The following CDH12 variants were observed in gnomAD, a reference collection of about 807,000 sequenced individuals.
CDH12 encodes the protein cadherin 12, also known as cadherin-12.
In CDH12, 41 loss-of-function variants were observed where a neutral mutation model predicts 74.1. That is an observed-to-expected ratio of 0.55 (90% CI 0.43 to 0.72). The LOEUF (loss-of-function observed/expected upper bound fraction) is 0.72. Ranked by LOEUF, CDH12 falls within the 30% of genes least tolerant of loss-of-function variation. The pLI is 0.00. For synonymous variants in CDH12, 399 were observed against 355.0 expected, an observed-to-expected ratio of 1.12 and a Z score of -1.39; for missense variants, 945 against 977.2, an observed-to-expected ratio of 0.97 and a Z score of 0.44.
At chr5:22,556,950 C>T (rs144179149) in intron 1 of CDH12, among the ~76,000 whole-genome samples, 97 of 152,102 alleles carry the variant, frequency 6.4e-4, no homozygotes, top group African/African-American at 2.3e-3. Flanking sequence ...TGATAAAGGA[C>T]AATTAGCAAA....
chr5:22,536,405 G>A (rs1440543706), intron 1 of CDH12, among the ~76,000 whole-genome samples: 1 of 152,098 alleles, frequency 6.6e-6, no homozygotes, highest in African/African-American at 2.4e-5. Flanking sequence ...ATTGTTGCTG[G>A]TGGTGGTGGT....
intron 1 of CDH12, among the ~76,000 whole-genome samples, chr5:22,643,049 G>C (rs1366436842): frequency 1.3e-5 from 2 of 152,068 alleles, no homozygotes; most frequent in Non-Finnish European, 2.9e-5. Context: ...TGAAGCTTTT[G>C]TATTGATGCT....
chr5:22,487,403 C>T (rs539098990), intron 2 of CDH12, among the ~76,000 whole-genome samples: 35 of 152,156 alleles, frequency 2.3e-4, no homozygotes, highest in African/African-American at 7.9e-4. Context: ...ATGTATATCG[C>T]ATAATCACAT....
intron 3 of CDH12, among the ~76,000 whole-genome samples, chr5:22,315,119 CTTTTTTTT>C (rs70959715): frequency 0.033 from 756 of 23,008 alleles, 71 homozygotes; most frequent in Middle Eastern, 0.14. Flanking sequence ...GCCTGCCTGG[CTTTTTTTT>C]TTTTTTTTTT....
rs1389567524 is a variant in CDH12 at position 21,751,555 on chromosome 5, T to C, written c.*182A>G. The stretch of plus-strand genomic sequence containing the variant: ...GCAGAATAAACCAAAACTGACAATA[T>C]GATTAATTTAGTAACTTACTAGAAA... On this transcript the variant is annotated 3_prime_UTR_variant, in exon 15 of 15. Transcript: ENST00000382254. 3.4e-6 allele frequency: 2 copies of C among 588,898 alleles called. No homozygotes were observed. The highest frequency in any genetic ancestry group is 4.5e-5 in the South Asian group (2 of 44,226). The allele number at this position is 588,898 out of a possible 1,614,324, so 36.5% of individuals were successfully genotyped here.
intron 4 of CDH12, chr5:22,212,064 T>C (rs1042664792): frequency 1.3e-5 from 2 of 150,798 alleles, no homozygotes; most frequent in African/African-American, 4.9e-5. Context: ...AGCTCAGGAA[T>C]ATTGCTAATG....
intron 3 of CDH12, among the ~76,000 whole-genome samples, chr5:22,338,287 G>A (rs899637829): frequency 6.6e-6 from 1 of 152,160 alleles, no homozygotes; most frequent in Non-Finnish European, 1.5e-5. Flanking sequence ...GGATAGAACT[G>A]GAGGTGATTA....
At chr5:21,811,496 C>G (rs1747741122) in intron 9 of CDH12, among the ~76,000 whole-genome samples, 1 of 151,620 alleles carries the variant, frequency 6.6e-6, no homozygotes. Flanking sequence ...ATTTTATTCC[C>G]ATTTATTCAG....
chr5:22,841,216 A>T (rs1302210987), intron 1 of CDH12, among the ~76,000 whole-genome samples: 4 of 152,176 alleles, frequency 2.6e-5, no homozygotes, highest in African/African-American at 9.7e-5. Flanking sequence ...ACAGATGAAA[A>T]TTGGTAGGAT....
intron 1 of CDH12, among the ~76,000 whole-genome samples, chr5:22,672,098 TATA>T (rs1177921078): frequency 3.7e-5 from 3 of 82,030 alleles, no homozygotes; most frequent in African/African-American, 1.8e-4. Flanking sequence ...TTATATATAA[TATA>T]TTATTATATA....
intron 1 of CDH12, among the ~76,000 whole-genome samples, chr5:22,698,764 G>T (rs1742558266): frequency 7.9e-6 from 1 of 127,200 alleles, no homozygotes; most frequent in African/African-American, 2.9e-5. Flanking sequence ...GTGTGTGTGT[G>T]TGTGTGAAAG....
chr5:21,934,550 G>T (rs1252930368), intron 6 of CDH12, among the ~76,000 whole-genome samples: 2 of 152,074 alleles, frequency 1.3e-5, no homozygotes, highest in African/African-American at 4.8e-5. Flanking sequence ...AAATTCTTCT[G>T]TTAAAAATAT....
chr5:21,883,992 A>G (rs13165182), intron 6 of CDH12: 1,352,085 of 1,569,198 alleles, frequency 0.86, 596,424 homozygotes, highest in Non-Finnish European at 0.91. Flanking sequence ...TATGGAAATT[A>G]TTAAAAGAAC....
intron 4 of CDH12, among the ~76,000 whole-genome samples, chr5:22,101,022 G>A (rs1167531022): frequency 6.6e-6 from 1 of 151,846 alleles, no homozygotes; most frequent in Non-Finnish European, 1.5e-5. Flanking sequence ...AAAATCAAAT[G>A]TGTTATGCAT....
chr5:22,662,657 C>T (rs1447347063), intron 1 of CDH12, among the ~76,000 whole-genome samples: 1 of 152,156 alleles, frequency 6.6e-6, no homozygotes, highest in East Asian at 1.9e-4. Context: ...TACTTGAATG[C>T]TGTCAATTAG....
chr5:22,356,340 T>C (rs1454067630), intron 3 of CDH12, among the ~76,000 whole-genome samples: 2 of 152,210 alleles, frequency 1.3e-5, no homozygotes, highest in Non-Finnish European at 2.9e-5. Context: ...AATGGTTTTA[T>C]TATGCAGCTT....
chr5:22,575,008 T>C (rs1238321261), intron 1 of CDH12, among the ~76,000 whole-genome samples: 4 of 152,200 alleles, frequency 2.6e-5, no homozygotes, highest in Admixed American at 1.3e-4. Flanking sequence ...AAATTTTGGT[T>C]TCTGCATCTG....
intron 6 of CDH12, among the ~76,000 whole-genome samples, chr5:21,878,255 A>T (rs1459557699): frequency 6.6e-6 from 1 of 152,214 alleles, no homozygotes; most frequent in Non-Finnish European, 1.5e-5. Flanking sequence ...TTGTTACAAA[A>T]ATAAAAGACT....
intron 1 of CDH12, among the ~76,000 whole-genome samples, chr5:22,822,647 T>A (rs1000871170): frequency 6.6e-6 from 1 of 152,142 alleles, no homozygotes; most frequent in African/African-American, 2.4e-5. Flanking sequence ...CATCATCACT[T>A]GCTATCAGAG....
Sources: gnomAD v4.1 joint callset for allele counts (sites outside exome capture counted in the v4.1 genomes callset) on GRCh38, gnomAD v4.1.1 for gene constraint, MANE v1.5 for transcripts, NCBI Gene and HGNC (gene_info 2026-07-23, HGNC 2026-07-21) for gene names.